MCCC1: variants seen among roughly 807,000 people sequenced by gnomAD.
MCCC1 encodes the protein methylcrotonyl-CoA carboxylase subunit 1, also known as methylcrotonoyl-CoA carboxylase subunit alpha, mitochondrial.
MCCC1 carries 64 observed loss-of-function variants against 83.8 expected under a neutral mutation model. The observed-to-expected ratio is 0.76, with a 90% CI of 0.62 to 0.94. The LOEUF (loss-of-function observed/expected upper bound fraction) is 0.94. Ranked by LOEUF, MCCC1 falls within the 40% of genes least tolerant of loss-of-function variation. The probability of loss-of-function intolerance (pLI) is 0.00; values close to 1 mark genes in which losing one functional copy is unlikely to be tolerated. For synonymous variants in MCCC1, 322 were observed against 315.4 expected, an observed-to-expected ratio of 1.02 and a Z score of -0.22; for missense variants, 807 against 904.7, an observed-to-expected ratio of 0.89 and a Z score of 1.39.
intron 4 of MCCC1, among the ~76,000 whole-genome samples, chr3:183,084,957 T>G (rs184934214): frequency 9.2e-5 from 14 of 152,122 alleles, no homozygotes; most frequent in Non-Finnish European, 1.3e-4. Context: ...GAGGTATGCT[T>G]AAAAAAATAA....
At chr3:183,018,019 C>T (rs1249318685) in intron 17 of MCCC1, among the ~76,000 whole-genome samples, 1 of 152,168 alleles carries the variant, frequency 6.6e-6, no homozygotes, top group Non-Finnish European at 1.5e-5. Flanking sequence ...GTCAAATGCA[C>T]TGGTCAAATC....
At position 183,099,362 on chromosome 3, in the gene MCCC1, G is replaced by A; in HGVS notation, c.79C>T (p.Leu27=). The change falls in exon 1 of 19, where the codon CTG becomes TTG. Residue 27 remains leucine (L), a synonymous_variant. Coordinates refer to ENST00000265594, the MANE Select transcript of MCCC1 (RefSeq NM_020166.5). ...NRWHRLPSLL[L]PPRTWVWRQR... is the part of the protein sequence containing the mutation. ...GGCCCCTCCACCCACCTCGGCGGCA[G>A]GAGCAGGCTCGGGAGACGATGCCAC... 3 of 1,601,478 alleles carry A rather than the reference G, an allele frequency of 1.9e-6. No individual in the cohort carries two copies. Among genetic ancestry groups the A allele is most frequent in the Non-Finnish European group, 2.6e-6 (3 of 1,176,098 alleles).
At chr3:183,077,252 C>T (rs1717144879) in intron 4 of MCCC1, among the ~76,000 whole-genome samples, 1 of 152,090 alleles carries the variant, frequency 6.6e-6, no homozygotes, top group African/African-American at 2.4e-5. Context: ...TGGGTATATA[C>T]TGAAGAAGTA....
intron 14 of MCCC1, among the ~76,000 whole-genome samples, chr3:183,030,323 A>G (rs892302772): frequency 6.6e-6 from 1 of 152,118 alleles, no homozygotes; most frequent in Non-Finnish European, 1.5e-5. Context: ...ACAAAACACA[A>G]AAAACCAATA....
intron 3 of MCCC1, among the ~76,000 whole-genome samples, chr3:183,089,948 T>C (rs556890725): frequency 6.6e-6 from 1 of 152,194 alleles, no homozygotes; most frequent in Non-Finnish European, 1.5e-5. Context: ...GAATGGGCAG[T>C]TGGATATATA....
Position 183,017,290 on chromosome 3 carries a change from C to G in MCCC1, c.2025G>C (p.Met675Ile). 6.2e-7 allele frequency: 1 copy of G among 1,613,884 alleles called. No homozygotes were observed. The highest frequency in any genetic ancestry group is 8.5e-7 in the Non-Finnish European group (1 of 1,179,996). Residue 675 changes from methionine (M) to isoleucine (I), a missense_variant, in exon 18 of 19, where the codon ATG becomes ATC. Physicochemically the swap from Met to Ile is conservative, Grantham distance 10 (BLOSUM62 1). Coordinates refer to ENST00000265594, the MANE Select transcript of MCCC1 (RefSeq NM_020166.5). ...GDKVKAGDSL[M>I]VMIAMKMEHT... Reference sequence around the variant, plus strand: ...CCTCCATCTTCATGGCGATCATAACCATGAGGGAATCTCCCGCTTTCACTT... The same window carrying G: ...CCTCCATCTTCATGGCGATCATAACGATGAGGGAATCTCCCGCTTTCACTT...
rs1388249223 is a variant in MCCC1 at position 183,015,318 on chromosome 3, A to G, written c.*120T>C. On this transcript the variant is annotated 3_prime_UTR_variant, in exon 19 of 19. Coordinates refer to ENST00000265594, the MANE Select transcript of MCCC1 (RefSeq NM_020166.5). ...TTCTCCAATATGAAAGGTGTTCAGC[A>G]TAAGCATACAATCATTTAGTAAAAC... The G allele has an allele frequency of 4.0e-6, 4 of 1,003,886 alleles. No homozygotes were observed. Among genetic ancestry groups the G allele is most frequent in the Middle Eastern group, 2.8e-4 (1 of 3,616 alleles). The allele number at this position is 1,003,886 out of a possible 1,614,324, so 62.2% of individuals were successfully genotyped here.
Position 183,049,158 on chromosome 3 carries a change from A to C in MCCC1, c.955+3001T>G, listed in dbSNP as rs545424276. Among the ~76,000 whole-genome samples the C allele has an allele frequency of 1.1e-4, 16 of 152,322 alleles. No homozygotes were observed. The East Asian group carries it at 2.5e-3, about 24-fold the overall frequency. ...AGAAAAGAAAATACCAAAATCAAGA[A>C]TCTAAGCTTATATTTTAATTAATGA... On this transcript the variant is annotated intron_variant, in intron 9 of 18. Transcript: ENST00000265594.
intron 1 of MCCC1, among the ~76,000 whole-genome samples, chr3:183,107,272 G>T (rs992749308): frequency 5.3e-5 from 8 of 151,862 alleles, no homozygotes; most frequent in African/African-American, 1.7e-4. Context: ...GCTGGGCATG[G>T]TGGCATGCAC....
Position 183,020,172 on chromosome 3 carries a change from A to G in MCCC1, c.1935T>C (p.Thr645=). Residue 645 remains threonine (T), a synonymous_variant, in exon 17 of 19, where the codon ACT becomes ACC. Transcript: ENST00000265594. The stretch of plus-strand genomic sequence containing the variant: ...TCATAGGAGCTAAGGGGCCGCCCTG[A>G]GTTTCTTGTGAGCTCACAGAAGATA... ...KYLSSVSSQE[T]QGGPLAPMTG... is the part of the protein sequence containing the mutation. The G allele has an allele frequency of 6.2e-7, 1 of 1,614,120 alleles. No individual in the cohort carries two copies. Among genetic ancestry groups the G allele is most frequent in the Non-Finnish European group, 8.5e-7 (1 of 1,179,968 alleles).
intron 5 of MCCC1, among the ~76,000 whole-genome samples, chr3:183,071,729 T>C (rs1321686756): frequency 6.7e-6 from 1 of 149,536 alleles, no homozygotes; most frequent in East Asian, 2.0e-4. Flanking sequence ...AGAGACAGGG[T>C]CTCACAATGT....
At chr3:183,034,124 T>A in intron 13 of MCCC1, 47 bp from the exon 14 acceptor site, 1 of 1,301,668 alleles carries the variant, frequency 7.7e-7, no homozygotes, top group Non-Finnish European at 1.1e-6. Context: ...GTATCAAGCC[T>A]ATGAAATTTA....
chr3:183,069,301 C>CA (rs1716480699), intron 7 of MCCC1, among the ~76,000 whole-genome samples: 2 of 152,124 alleles, frequency 1.3e-5, no homozygotes, highest in South Asian at 4.1e-4. Context: ...CTTACATATT[C>CA]AAAAAATGCT....
At chr3:183,035,609 C>T (rs1713509090) in intron 13 of MCCC1, among the ~76,000 whole-genome samples, 1 of 151,528 alleles carries the variant, frequency 6.6e-6, no homozygotes, top group Non-Finnish European at 1.5e-5. Flanking sequence ...TGAGCATTTC[C>T]TTTGAGCATC....
intron 1 of MCCC1, among the ~76,000 whole-genome samples, chr3:183,107,460 T>C (rs938890572): frequency 6.6e-6 from 1 of 151,764 alleles, no homozygotes; most frequent in African/African-American, 2.4e-5. Context: ...TAGTACACAT[T>C]GCATTGACTC....
At chr3:183,044,867 T>C (rs1714411548) in intron 10 of MCCC1, among the ~76,000 whole-genome samples, 1 of 151,932 alleles carries the variant, frequency 6.6e-6, no homozygotes, top group Non-Finnish European at 1.5e-5. Flanking sequence ...GACACCTGTT[T>C]TAGGAGGCCA....
intron 3 of MCCC1, among the ~76,000 whole-genome samples, chr3:183,087,406 G>A (rs1015840903): frequency 2.0e-5 from 3 of 152,162 alleles, no homozygotes; most frequent in Non-Finnish European, 4.4e-5. Context: ...CAAGACAAAT[G>A]TCCCTGTCTA....
intron 3 of MCCC1, among the ~76,000 whole-genome samples, chr3:183,087,574 C>T (rs150336817): frequency 1.8e-3 from 276 of 152,162 alleles, no homozygotes; most frequent in Middle Eastern, 3.4e-3. Flanking sequence ...AGGGGAGGCT[C>T]CTCAAGGATG....
Position 183,015,366 on chromosome 3 carries a change from A to G in MCCC1, c.*72T>C, listed in dbSNP as rs1711533364. On this transcript the variant is annotated 3_prime_UTR_variant, in exon 19 of 19. Coordinates refer to ENST00000265594, the MANE Select transcript of MCCC1 (RefSeq NM_020166.5). ...AACTGCTCTTTATGAGACCCCCAGA[A>G]AAGCTGGAGGCACTTCCTCTTTTTG... 5 of 1,557,720 alleles carry G rather than the reference A, an allele frequency of 3.2e-6. No homozygotes were observed. The highest frequency in any genetic ancestry group is 4.4e-6 in the Non-Finnish European group (5 of 1,129,220).
Sources: gnomAD v4.1 joint callset for allele counts (sites outside exome capture counted in the v4.1 genomes callset) on GRCh38, gnomAD v4.1.1 for gene constraint, MANE v1.5 for transcripts, NCBI Gene and HGNC (gene_info 2026-07-23, HGNC 2026-07-21) for gene names.